JAKMIP3: variants seen among roughly 807,000 people sequenced by gnomAD.
JAKMIP3 encodes Janus kinase and microtubule interacting protein 3, also known as janus kinase and microtubule-interacting protein 3.
A neutral mutation model predicts 118.5 loss-of-function variants in JAKMIP3; 58 were observed. The ratio of observed to expected loss-of-function variants is 0.49; its 90% confidence interval spans 0.40 to 0.61. The LOEUF is 0.61. Among genes scored for constraint, JAKMIP3 ranks in the 20% least tolerant of loss-of-function variants. The pLI is 0.00. For missense variants in JAKMIP3, 950 were observed against 1,109.0 expected (o/e 0.86, Z 2.04); for synonymous variants, 486 against 451.2 (o/e 1.08, Z -0.98).
intron 22 of JAKMIP3, among the ~76,000 whole-genome samples, chr10:132,167,279 G>A (rs2059005798): frequency 6.6e-6 from 1 of 152,206 alleles, no homozygotes; most frequent in Non-Finnish European, 1.5e-5. Flanking sequence ...GAGGCCGCAA[G>A]GTGCTCACCT....
rs372682114 is a variant in JAKMIP3, at chr10:132,092,841, G to A, written c.-137-11831G>A. Among the ~76,000 whole-genome samples, 13 of 152,244 alleles carry A rather than the reference G, an allele frequency of 8.5e-5. 1 individual carries two copies. In the South Asian group the frequency reaches 1.2e-3, roughly 15 times the overall value. On this transcript the variant is annotated intron_variant, in intron 1 of 23. Coordinates refer to ENST00000684848, the MANE Select transcript of JAKMIP3 (RefSeq NM_001323087.2). ...TGCATTCCTTTGGAGGGGGAGAGGCGCTCTGATTTTTAGAATTTCCAGCTT... is the reference window on the plus strand; with the variant it reads ...TGCATTCCTTTGGAGGGGGAGAGGCACTCTGATTTTTAGAATTTCCAGCTT...
At chr10:132,172,996 CTT>C (rs2059677125) in intron 23 of JAKMIP3, among the ~76,000 whole-genome samples, 4 of 55,114 alleles carry the variant, frequency 7.3e-5, no homozygotes, top group Admixed American at 1.9e-4. Flanking sequence ...TCTCTCTCTC[CTT>C]CCCTCTCTCT....
chr10:132,041,540 A>G (rs2037748869), intron 1 of JAKMIP3, among the ~76,000 whole-genome samples: 1 of 152,228 alleles, frequency 6.6e-6, no homozygotes, highest in Admixed American at 6.5e-5. Flanking sequence ...TAGGAGGTGC[A>G]TCTTCTGGTG....
chr10:132,139,369 CGTGTGTGA>C (rs1564948696), intron 9 of JAKMIP3, among the ~76,000 whole-genome samples: 2 of 76,844 alleles, frequency 2.6e-5, no homozygotes, highest in African/African-American at 6.2e-5. Flanking sequence ...TGCGTCTGTA[CGTGTGTGA>C]GTATGTGAGT....
chr10:132,142,479 C>G, intron 11 of JAKMIP3, among the ~76,000 whole-genome samples: 1 of 139,240 alleles, frequency 7.2e-6, no homozygotes, highest in East Asian at 2.1e-4. Context: ...GCTGTGCCTG[C>G]CCCGGCCCCG....
chr10:132,156,739 G>A (rs1242054104), intron 19 of JAKMIP3, among the ~76,000 whole-genome samples: 1 of 152,220 alleles, frequency 6.6e-6, no homozygotes, highest in Non-Finnish European at 1.5e-5. Flanking sequence ...CACGAGGCCT[G>A]GCAGGCAGCA....
intron 1 of JAKMIP3, among the ~76,000 whole-genome samples, chr10:132,076,903 G>A (rs890763063): frequency 4.0e-5 from 6 of 150,718 alleles, no homozygotes; most frequent in African/African-American, 7.3e-5. Flanking sequence ...ATTAAGGGCC[G>A]GACTGTGGTG....
rs1362133529 is a variant in JAKMIP3, at chr10:132,183,587, TA to T, written c.*2339del. ...TTATGAAGTTGTAATTGTTTATATG[TA>T]AAAAGTATGTATATAGGAACGGGAG... On this transcript the variant is annotated 3_prime_UTR_variant, in exon 24 of 24. Coordinates refer to ENST00000684848, the MANE Select transcript of JAKMIP3 (RefSeq NM_001323087.2). 1 of 152,204 alleles carries T rather than the reference TA, an allele frequency of 6.6e-6. No homozygotes were observed. The highest frequency in any genetic ancestry group is 6.5e-5 in the Admixed American group (1 of 15,278). The allele number at this position is 152,204 out of a possible 1,614,324, so 9.4% of individuals were successfully genotyped here.
At chr10:132,089,045 C>A (rs1035794883) in intron 1 of JAKMIP3, among the ~76,000 whole-genome samples, 1 of 152,132 alleles carries the variant, frequency 6.6e-6, no homozygotes, top group African/African-American at 2.4e-5. Context: ...TCTGAGGGCT[C>A]TGTTCTGTTC....
At chr10:132,130,977 G>C (rs1050925164) in intron 3 of JAKMIP3, among the ~76,000 whole-genome samples, 1 of 151,834 alleles carries the variant, frequency 6.6e-6, no homozygotes, top group South Asian at 2.1e-4. Flanking sequence ...GACACTGTGC[G>C]GGGCATGCTT....
Position 132,173,770 on chromosome 10 carries a change from GGT to G in JAKMIP3, c.*1103+4742_*1103+4743del, listed in dbSNP as rs547085277. Among the ~76,000 whole-genome samples, 141 of 95,088 alleles carry G rather than the reference GGT, an allele frequency of 1.5e-3. 1 individual carries two copies. Among genetic ancestry groups the G allele is most frequent in the African/African-American group, 5.3e-3 (133 of 25,274 alleles). 62.4% of individuals were successfully genotyped at this position (95,088 alleles called of 152,430 possible). On this transcript the variant is annotated intron_variant, in intron 23 of 23. Transcript: ENST00000684848. ...CTGTGGTGTGTCTCTGGTGGTCTGT[GGT>G]GTGTCTGTGATGTGTTAGTGGTGGT...
chr10:132,167,890 C>CG, intron 22 of JAKMIP3, 63 bp from the exon 23 acceptor site: 2 of 1,225,882 alleles, frequency 1.6e-6, no homozygotes, highest in Non-Finnish European at 2.1e-6. Flanking sequence ...CCTCGGCCCT[C>CG]GCCCCTCACT....
At chr10:132,180,774 T>TGC (rs1490377192) in intron 23 of JAKMIP3, among the ~76,000 whole-genome samples, 4 of 65,884 alleles carry the variant, frequency 6.1e-5, no homozygotes, top group African/African-American at 2.5e-4. Flanking sequence ...TGTGTGCGTG[T>TGC]GTGTGTGTGC....
intron 1 of JAKMIP3, among the ~76,000 whole-genome samples, chr10:132,074,931 G>C (rs1036005722): frequency 6.6e-6 from 1 of 152,140 alleles, no homozygotes. Flanking sequence ...TTATTGAAAA[G>C]GGTGTCATTT....
At chr10:132,164,562 A>G in intron 20 of JAKMIP3, 108 bp from the exon 21 acceptor site, 1 of 744,336 alleles carries the variant, frequency 1.3e-6, no homozygotes, top group Non-Finnish European at 2.3e-6. Context: ...TGGCCATGCC[A>G]GCTGCTCTGC....
chr10:132,163,559 C>T (rs1046799525), intron 20 of JAKMIP3, 147 bp downstream of exon 20: 2 of 696,148 alleles, frequency 2.9e-6, no homozygotes, highest in Non-Finnish European at 4.8e-6. Context: ...AACACACACT[C>T]TGATGGCTAC....
At chr10:132,106,880 A>C (rs1341194371) in intron 2 of JAKMIP3, among the ~76,000 whole-genome samples, 4 of 152,108 alleles carry the variant, frequency 2.6e-5, no homozygotes, top group Admixed American at 6.5e-5. Context: ...GAGTAAAAAT[A>C]TAACAATTAT....
At chr10:132,057,015 T>TG (rs1397088179) in intron 1 of JAKMIP3, among the ~76,000 whole-genome samples, 1 of 152,138 alleles carries the variant, frequency 6.6e-6, no homozygotes, top group African/African-American at 2.4e-5. Context: ...AATTCCACCC[T>TG]GGGGGTGGCT....
chr10:132,059,467 G>A (rs1176509480), intron 1 of JAKMIP3, among the ~76,000 whole-genome samples: 4 of 152,252 alleles, frequency 2.6e-5, no homozygotes, highest in South Asian at 2.1e-4. Flanking sequence ...AGAGCCTGGC[G>A]TGGTGACCAC....
Sources: allele counts gnomAD v4.1 joint callset (sites outside exome capture counted in the v4.1 genomes callset), GRCh38; gene constraint gnomAD v4.1.1; transcripts MANE v1.5; gene names NCBI Gene and HGNC (gene_info 2026-07-23, HGNC 2026-07-21).